The following MPP4 variants were observed in gnomAD, a reference collection of about 807,000 sequenced individuals.
MPP4 encodes MAGUK p55 subfamily member 4.
In MPP4, 91 loss-of-function variants were observed where a neutral mutation model predicts 98.3. That is an observed-to-expected ratio of 0.93 (90% confidence interval 0.78 to 1.10). MPP4 has a LOEUF of 1.10. Among genes scored for constraint, MPP4 ranks in the 50% least tolerant of loss-of-function variants. MPP4 has a pLI of 0.00. For synonymous variants in MPP4, 261 were observed against 271.8 expected (o/e 0.96, Z 0.39); for missense variants, 744 against 792.9 (o/e 0.94, Z 0.74).
At chr2:201,656,928 G>A (rs1358765154) in intron 16 of MPP4, among the ~76,000 whole-genome samples, 1 of 152,240 alleles carries the variant, frequency 6.6e-6, no homozygotes, top group Admixed American at 6.5e-5. Context: ...CTGTATAGCT[G>A]CAGGGCGGTA....
chr2:201,647,720 T>A lies in MPP4; in HGVS notation c.1690A>T (p.Thr564Ser). The A allele has an allele frequency of 6.2e-7, 1 of 1,613,968 alleles. No individual in the cohort carries two copies. The highest frequency in any genetic ancestry group is 8.5e-7 in the Non-Finnish European group (1 of 1,179,850). ...KQSRKNAKVI[T>S]DYYVDMKFKD... ...AACTTCATGTCCACATAGTAGTCAGTAATAACCTTGGCATTTTTCCGAGAT... is the reference window on the plus strand; with the variant it reads ...AACTTCATGTCCACATAGTAGTCAGAAATAACCTTGGCATTTTTCCGAGAT... Residue 564 changes from threonine to serine, a missense_variant, in exon 21 of 22, where the codon ACT (threonine) becomes TCT (serine). Transcript: ENST00000409474.
At chr2:201,646,917 A>C (rs1687572840) in intron 21 of MPP4, 1 of 152,206 alleles carries the variant, frequency 6.6e-6, no homozygotes, top group South Asian at 2.1e-4. Flanking sequence ...TGTACACTTA[A>C]AACGGTTAAT....
rs561225874 is a variant in MPP4, at chr2:201,697,847, A to G, written c.-101+740T>C. ...CAAGGAGGTATTCAGTAGAGTTAAC[A>G]TGTAGTAAAATCGAGTTTTCCTCTT... is the stretch of plus-strand genomic sequence containing the variant. On this transcript the variant is annotated intron_variant, in intron 1 of 21. Transcript: ENST00000409474. 2.7e-5 allele frequency: 21 copies of G among 785,260 alleles called. No individual in the cohort carries two copies. The South Asian group carries it at 9.2e-4, about 34-fold the overall frequency. The allele number at this position is 785,260 out of a possible 1,614,324, so 48.6% of individuals were successfully genotyped here.
At chr2:201,645,663 T>C (rs1325742530) in intron 21 of MPP4, among the ~76,000 whole-genome samples, 1 of 152,114 alleles carries the variant, frequency 6.6e-6, no homozygotes, top group African/African-American at 2.4e-5. Flanking sequence ...AATAATTTTT[T>C]TTTTTTTTAG....
chr2:201,693,384 A>G (rs959041052), intron 2 of MPP4, among the ~76,000 whole-genome samples: 5 of 152,154 alleles, frequency 3.3e-5, no homozygotes, highest in Non-Finnish European at 5.9e-5. Flanking sequence ...GTTTATCCCA[A>G]AATTATCTAC....
chr2:201,652,541 C>G (rs1574599404), intron 18 of MPP4, among the ~76,000 whole-genome samples: 1 of 152,370 alleles, frequency 6.6e-6, no homozygotes, highest in Non-Finnish European at 1.5e-5. Context: ...TCTATCATCA[C>G]TCATGCCACA....
intron 14 of MPP4, among the ~76,000 whole-genome samples, chr2:201,661,277 C>T (rs958920447): frequency 2.6e-5 from 4 of 151,626 alleles, no homozygotes; most frequent in Non-Finnish European, 5.9e-5. Context: ...CACCTCGTCA[C>T]CTCCTGGGGA....
intron 16 of MPP4, among the ~76,000 whole-genome samples, chr2:201,657,053 T>C (rs888728148): frequency 2.0e-5 from 3 of 152,138 alleles, no homozygotes; most frequent in African/African-American, 7.2e-5. Flanking sequence ...GGTAGTGACA[T>C]GATTTGATTC....
intron 4 of MPP4, among the ~76,000 whole-genome samples, chr2:201,688,161 T>G (rs1419646503): frequency 6.6e-6 from 1 of 152,210 alleles, no homozygotes; most frequent in Non-Finnish European, 1.5e-5. Context: ...TTTTGCTGTT[T>G]CTTTTAATAT....
At chr2:201,691,763 C>A (rs1689035334) in intron 3 of MPP4, among the ~76,000 whole-genome samples, 1 of 152,180 alleles carries the variant, frequency 6.6e-6, no homozygotes, top group African/African-American at 2.4e-5. Context: ...AGGTGATCCA[C>A]CAGCCTCGGC....
At chr2:201,647,554 A>T in intron 21 of MPP4, 137 bp downstream of exon 21, 2 of 803,372 alleles carry the variant, frequency 2.5e-6, no homozygotes, top group Non-Finnish European at 3.8e-6. Flanking sequence ...AAACCATTTT[A>T]TTGAGGGCCT....
chr2:201,656,346 G>T lies in MPP4; in HGVS notation c.1152C>A (p.Arg384=). The T allele has an allele frequency of 6.4e-7, 1 of 1,552,966 alleles. No individual in the cohort carries two copies. Among genetic ancestry groups the T allele is most frequent in the Non-Finnish European group, 8.7e-7 (1 of 1,147,672 alleles). The change falls in exon 17 of 22, where the codon CGC becomes CGA. Residue 384 remains arginine (R), a synonymous_variant. Transcript: ENST00000409474. The part of the protein sequence containing the change: ...FFIAGFRRSM[R]LCRRKSHLSP... ...TGAGGTGAGACTTCCTGCGACAAAG[G>T]CGCATGCTGCGGCGGAAGCCAGCTA...
chr2:201,692,840 T>C, intron 3 of MPP4, 68 bp downstream of exon 3: 1 of 1,567,204 alleles, frequency 6.4e-7, no homozygotes, highest in East Asian at 2.4e-5. Context: ...GGACTGAAGC[T>C]GTCATTTTCT....
intron 18 of MPP4, chr2:201,652,126 A>C (rs1208065): frequency 0.75 from 363,683 of 486,434 alleles, 136,579 homozygotes; most frequent in East Asian, 0.91. Flanking sequence ...CACAGCCCTT[A>C]TGTGAGGCAA....
At chr2:201,698,077 C>T (rs1689243928) in intron 1 of MPP4, 1 of 988,494 alleles carries the variant, frequency 1.0e-6, no homozygotes, top group Non-Finnish European at 1.2e-6. Flanking sequence ...GAAAGGATAG[C>T]CAGTTCTTGA....
intron 5 of MPP4, among the ~76,000 whole-genome samples, chr2:201,686,359 A>G (rs1307196885): frequency 6.6e-6 from 1 of 152,212 alleles, no homozygotes; most frequent in Admixed American, 6.5e-5. Flanking sequence ...CTGGCAGCCC[A>G]TGTAATCTGT....
chr2:201,664,202 A>G, intron 13 of MPP4, 101 bp from the exon 14 acceptor site: 1 of 1,502,522 alleles, frequency 6.7e-7, no homozygotes, highest in Non-Finnish European at 9.0e-7. Context: ...ACTTCTGCCC[A>G]TACACCACCT....
chr2:201,661,536 T>C (rs1438516079), intron 14 of MPP4: 1 of 456,266 alleles, frequency 2.2e-6, no homozygotes, highest in East Asian at 7.0e-5. Context: ...ACAAGGGGCG[T>C]TTTACAGTAG....
At chr2:201,672,368 T>C (rs10200898) in intron 11 of MPP4, among the ~76,000 whole-genome samples, 2,878 of 151,824 alleles carry the variant, frequency 0.019, 83 homozygotes, top group African/African-American at 0.05. Context: ...AATTCAAAAA[T>C]CTAGCAGAAG....
Sources: gnomAD v4.1 joint callset for allele counts (sites outside exome capture counted in the v4.1 genomes callset) on GRCh38, gnomAD v4.1.1 for gene constraint, MANE v1.5 for transcripts, NCBI Gene and HGNC (gene_info 2026-07-23, HGNC 2026-07-21) for gene names.